The following FGF12 variants were observed in gnomAD, a reference collection of about 807,000 sequenced individuals.
The protein encoded by FGF12 is fibroblast growth factor 12B.
FGF12 carries 14 observed loss-of-function variants against 23.6 expected under a neutral mutation model. The ratio of observed to expected loss-of-function variants is 0.59; its 90% CI spans 0.39 to 0.93. The LOEUF (loss-of-function observed/expected upper bound fraction) is 0.93. FGF12 is among the 40% of genes least tolerant of loss of function. The probability of loss-of-function intolerance (pLI) is 0.00; values close to 1 mark genes in which losing one functional copy is unlikely to be tolerated. For missense variants in FGF12, 175 were observed against 217.8 expected (o/e 0.80, Z 1.24); for synonymous variants, 62 against 77.3 (o/e 0.80, Z 1.04).
intron 2 of FGF12, among the ~76,000 whole-genome samples, chr3:192,632,084 G>A (rs920119321): frequency 1.3e-5 from 2 of 152,092 alleles, no homozygotes; most frequent in Admixed American, 1.3e-4. Context: ...AATGAACTGA[G>A]CTAAATAGCT....
At chr3:192,536,957 C>T (rs1725238439) in intron 2 of FGF12, among the ~76,000 whole-genome samples, 1 of 152,140 alleles carries the variant, frequency 6.6e-6, no homozygotes, top group Non-Finnish European at 1.5e-5. Context: ...CGCCACTACA[C>T]TTCCTAGCCT....
intron 4 of FGF12, among the ~76,000 whole-genome samples, chr3:192,233,104 TTTAAG>T (rs1233663204): frequency 6.6e-6 from 1 of 152,178 alleles, no homozygotes; most frequent in Non-Finnish European, 1.5e-5. Context: ...ATAGCTCTGG[TTTAAG>T]TTCTTTGAGA....
chr3:192,226,257 T>G (rs1444886572), intron 4 of FGF12, among the ~76,000 whole-genome samples: 1 of 152,200 alleles, frequency 6.6e-6, no homozygotes, highest in Non-Finnish European at 1.5e-5. Context: ...TTTGAATATC[T>G]TTGTTTCATG....
intron 2 of FGF12, among the ~76,000 whole-genome samples, chr3:192,498,722 A>G (rs910306360): frequency 6.6e-6 from 1 of 152,222 alleles, no homozygotes; most frequent in Non-Finnish European, 1.5e-5. Flanking sequence ...TTAATAATAG[A>G]AGTCAGTCTG....
intron 2 of FGF12, among the ~76,000 whole-genome samples, chr3:192,665,221 A>G (rs1716821620): frequency 1.3e-5 from 2 of 152,224 alleles, no homozygotes; most frequent in Non-Finnish European, 1.5e-5. Flanking sequence ...AATTAGACAC[A>G]GTTGCTCTTT....
chr3:192,569,262 T>C (rs1181845833), intron 2 of FGF12, among the ~76,000 whole-genome samples: 3 of 152,206 alleles, frequency 2.0e-5, no homozygotes, highest in Non-Finnish European at 4.4e-5. Context: ...TGTGCTGAGG[T>C]AACAAACAAC....
At chr3:192,272,923 G>A (rs146651753) in intron 4 of FGF12, among the ~76,000 whole-genome samples, 1 of 152,272 alleles carries the variant, frequency 6.6e-6, no homozygotes, top group African/African-American at 2.4e-5. Flanking sequence ...AAGAAAAAAT[G>A]TCATCTATCT....
intron 4 of FGF12, among the ~76,000 whole-genome samples, chr3:192,269,424 T>C (rs984647340): frequency 6.6e-6 from 1 of 152,196 alleles, no homozygotes; most frequent in Non-Finnish European, 1.5e-5. Context: ...ACTGGTTAAA[T>C]GTGAACTCTG....
Position 192,690,167 on chromosome 3 carries a change from G to T in FGF12, c.13+37014C>A, listed in dbSNP as rs146022197. Among the ~76,000 whole-genome samples, 532 of 152,022 alleles carry T rather than the reference G, an allele frequency of 3.5e-3. 3 individuals are homozygous for T. The highest frequency in any genetic ancestry group is 4.4e-3 in the Non-Finnish European group (298 of 67,854). On this transcript the variant is annotated intron_variant, in intron 2 of 5. Coordinates refer to ENST00000445105, the MANE Select transcript of FGF12 (RefSeq NM_004113.6). ...AGAAATGCTAAAGAGACTTATTTGG[G>T]ATGAAACAAAAGGCTTACTAATTAG...
Position 192,514,770 on chromosome 3 carries a change from G to C in FGF12, c.14-154232C>G. 1.0e-6 allele frequency: 1 copy of C among 985,408 alleles called. No homozygotes were observed. Among genetic ancestry groups the C allele is most frequent in the Non-Finnish European group, 1.2e-6 (1 of 829,906 alleles). 61.0% of individuals were successfully genotyped at this position (985,408 alleles called of 1,614,324 possible). ...CAAGAATCTTCATGGAGAAGCGCGTGTGTGGGGTTGGTCAACTCCCCGCCC... is the reference window on the plus strand; with the variant it reads ...CAAGAATCTTCATGGAGAAGCGCGTCTGTGGGGTTGGTCAACTCCCCGCCC... On this transcript the variant is annotated intron_variant, in intron 2 of 5. Transcript: ENST00000445105. This position sits in a 1 kb window ranked among gnomAD's most constrained non-coding sequence, Gnocchi z 4.9.
At chr3:192,318,920 C>T (rs757492937) in intron 4 of FGF12, among the ~76,000 whole-genome samples, 3 of 151,866 alleles carry the variant, frequency 2.0e-5, no homozygotes, top group Non-Finnish European at 4.4e-5. Context: ...ACTTTACAGG[C>T]CAAGAGGAGT....
chr3:192,231,673 G>A (rs1045826493), intron 4 of FGF12, among the ~76,000 whole-genome samples: 1 of 152,066 alleles, frequency 6.6e-6, no homozygotes, highest in Non-Finnish European at 1.5e-5. Context: ...AGGAGGCTGA[G>A]GCAGGAGAAT....
chr3:192,351,306 C>A (rs958740929), intron 3 of FGF12, among the ~76,000 whole-genome samples: 1 of 152,022 alleles, frequency 6.6e-6, no homozygotes, highest in African/African-American at 2.4e-5. Context: ...GGAAGTAAAC[C>A]AAGGAACAGA....
intron 2 of FGF12, among the ~76,000 whole-genome samples, chr3:192,378,080 T>TTCTTCTTTCTTTCTG (rs1719636839): frequency 9.5e-6 from 1 of 105,810 alleles, no homozygotes. Context: ...CTTTCTTTCT[T>TTCTTCTTTCTTTCTG]TCTTTCTTTC....
In FGF12 at chr3:192,691,510, C is replaced by T. The variant is rs1051037325; in HGVS notation, c.13+35671G>A. Reference sequence around the variant, plus strand: ...ATCAAACAAAAATGGAAATACAACACACTAAAAACTATGGATACTGTAAAA... The same window carrying T: ...ATCAAACAAAAATGGAAATACAACATACTAAAAACTATGGATACTGTAAAA... On this transcript the variant is annotated intron_variant, in intron 2 of 5. Coordinates refer to ENST00000445105, the MANE Select transcript of FGF12 (RefSeq NM_004113.6). 3.9e-5 allele frequency among the ~76,000 whole-genome samples: 6 copies of T among 151,940 alleles called. No homozygotes were observed. In the East Asian group the frequency reaches 1.2e-3, roughly 29 times the overall value.
chr3:192,698,617 TACTC>T (rs1718200845), intron 2 of FGF12, among the ~76,000 whole-genome samples: 1 of 152,110 alleles, frequency 6.6e-6, no homozygotes, highest in African/African-American at 2.4e-5. Flanking sequence ...CATTAAACCT[TACTC>T]ACTGACAGTG....
chr3:192,579,664 G>T (rs1381961439), intron 2 of FGF12, among the ~76,000 whole-genome samples: 1 of 152,156 alleles, frequency 6.6e-6, no homozygotes, highest in African/African-American at 2.4e-5. Context: ...ATGCCTCTGG[G>T]ATTCAAGTGA....
intron 4 of FGF12, among the ~76,000 whole-genome samples, chr3:192,232,329 G>A (rs1441838987): frequency 2.0e-5 from 3 of 151,994 alleles, no homozygotes; most frequent in Non-Finnish European, 4.4e-5. Flanking sequence ...TAGGAGCCAC[G>A]TCATAAATGC....
chr3:192,440,442 T>G (rs1722170525), intron 2 of FGF12, among the ~76,000 whole-genome samples: 1 of 151,950 alleles, frequency 6.6e-6, no homozygotes, highest in African/African-American at 2.4e-5. Context: ...TCAGATGGGA[T>G]TTGGGGGAGA....
Sources: gnomAD v4.1 joint callset for allele counts (sites outside exome capture counted in the v4.1 genomes callset) on GRCh38, gnomAD v4.1.1 for gene constraint, Gnocchi (gnomAD v3.1) non-coding constraint, MANE v1.5 for transcripts, NCBI Gene and HGNC (gene_info 2026-07-23, HGNC 2026-07-21) for gene names.